MYO3A: variants seen among roughly 807,000 people sequenced by gnomAD.
MYO3A encodes the protein myosin-IIIa.
MYO3A carries 180 observed loss-of-function variants against 192.7 expected under a neutral mutation model. That is an observed-to-expected ratio of 0.93 (90% CI 0.83 to 1.06). The LOEUF is 1.06. Among genes scored for constraint, MYO3A ranks in the 50% least tolerant of loss-of-function variants. The probability of loss-of-function intolerance (pLI) is 0.00; values close to 1 mark genes in which losing one functional copy is unlikely to be tolerated. For missense variants in MYO3A, 1,896 were observed against 1,905.0 expected (o/e 1.00, Z 0.09); for synonymous variants, 628 against 645.3 (o/e 0.97, Z 0.41).
At chr10:26,042,873 A>C (rs947074748) in intron 10 of MYO3A, among the ~76,000 whole-genome samples, 1 of 152,116 alleles carries the variant, frequency 6.6e-6, no homozygotes, top group Admixed American at 6.5e-5. Context: ...ATGCTTGTGG[A>C]CATTCATCTA....
At chr10:25,986,279 C>T (rs1321696645) in intron 4 of MYO3A, among the ~76,000 whole-genome samples, 5 of 152,142 alleles carry the variant, frequency 3.3e-5, no homozygotes, top group Non-Finnish European at 7.4e-5. Context: ...GAAAGCATTC[C>T]CCCTGAGAAC....
rs565821541 is a variant in MYO3A, at chr10:26,070,353, G to A, written c.1311G>A (p.Lys437=). 3.7e-6 allele frequency: 6 copies of A among 1,613,346 alleles called. No individual in the cohort carries two copies. Among genetic ancestry groups the A allele is most frequent in the Non-Finnish European group, 5.1e-6 (6 of 1,179,508 alleles). Residue 437 remains lysine, a synonymous_variant, in exon 14 of 35, where the codon AAG becomes AAA. Coordinates refer to ENST00000642920, the MANE Select transcript of MYO3A (RefSeq NM_017433.5). ...IVISGESGAG[K]TENAHLLVQQ... ...TTTCTGGAGAAAGTGGTGCTGGAAA[G>A]ACTGAAAATGCTCATCTTTTAGTTC...
chr10:26,109,998 T>C (rs936497285), intron 17 of MYO3A, among the ~76,000 whole-genome samples: 1 of 152,138 alleles, frequency 6.6e-6, no homozygotes, highest in Non-Finnish European at 1.5e-5. Context: ...ACCAGAACAT[T>C]ATGAATTATA....
At chr10:26,148,604 A>G (rs1054884415) in intron 23 of MYO3A, among the ~76,000 whole-genome samples, 1 of 152,226 alleles carries the variant, frequency 6.6e-6, no homozygotes, top group African/African-American at 2.4e-5. Context: ...GTATCTTCCC[A>G]ACATTAAATC....
intron 4 of MYO3A, among the ~76,000 whole-genome samples, chr10:25,976,409 A>G (rs1299564776): frequency 6.6e-6 from 1 of 152,198 alleles, no homozygotes; most frequent in African/African-American, 2.4e-5. Context: ...TTAAAACATT[A>G]TTAGAATAAA....
intron 6 of MYO3A, among the ~76,000 whole-genome samples, chr10:26,010,818 A>G (rs1841600777): frequency 6.6e-6 from 1 of 152,194 alleles, no homozygotes; most frequent in African/African-American, 2.4e-5. Context: ...ATTTATTCCA[A>G]TCCCCTAAAT....
chr10:26,107,992 T>C (rs1377979229), intron 17 of MYO3A, among the ~76,000 whole-genome samples: 4 of 152,200 alleles, frequency 2.6e-5, no homozygotes, highest in Admixed American at 6.5e-5. Flanking sequence ...CATTTGTTAT[T>C]GAATAATGAA....
intron 6 of MYO3A, among the ~76,000 whole-genome samples, chr10:26,014,133 G>A (rs749468110): frequency 2.6e-5 from 4 of 152,088 alleles, no homozygotes; most frequent in East Asian, 1.9e-4. Flanking sequence ...GAGAGTGAGC[G>A]GGAGTGGGGC....
chr10:26,088,300 G>A lies in MYO3A; in HGVS notation c.1457G>A (p.Arg486Lys), dbSNP rs985358810. 1.9e-6 allele frequency: 3 copies of A among 1,613,692 alleles called. No individual in the cohort carries two copies. The highest frequency in any genetic ancestry group is 2.5e-6 in the Non-Finnish European group (3 of 1,179,824). ...ACTIINDNSS[R>K]FGKYLEMKFT... ...ACTATTATAAATGACAATTCTAGCAGATTTGGAAAATACTTAGAAATGAAA... is the reference window on the plus strand; with the variant it reads ...ACTATTATAAATGACAATTCTAGCAAATTTGGAAAATACTTAGAAATGAAA... The change falls in exon 15 of 35, where the codon AGA becomes AAA. Residue 486 changes from arginine to lysine, a missense_variant. By Grantham distance (26) the Arg-to-Lys change is conservative. Coordinates refer to ENST00000642920, the MANE Select transcript of MYO3A (RefSeq NM_017433.5).
intron 15 of MYO3A, among the ~76,000 whole-genome samples, chr10:26,093,553 C>T (rs532074929): frequency 1.1e-4 from 16 of 152,298 alleles, no homozygotes; most frequent in African/African-American, 3.6e-4. Context: ...TTCTTTGCCC[C>T]ATGACTAGAT....
At chr10:26,195,583 TATTC>T (rs929380320) in intron 32 of MYO3A, among the ~76,000 whole-genome samples, 3 of 152,220 alleles carry the variant, frequency 2.0e-5, no homozygotes, top group Admixed American at 1.3e-4. Flanking sequence ...CTGTGCTTGA[TATTC>T]ATTCATTCAC....
chr10:25,971,937 G>T (rs145500589), intron 4 of MYO3A, among the ~76,000 whole-genome samples: 2,690 of 152,174 alleles, frequency 0.018, 35 homozygotes, highest in Admixed American at 0.025. Context: ...CCGCCTCCCG[G>T]GTTCAAGCAA....
chr10:25,989,120 A>G (rs931352240), intron 4 of MYO3A, among the ~76,000 whole-genome samples: 1 of 151,552 alleles, frequency 6.6e-6, no homozygotes, highest in Non-Finnish European at 1.5e-5. Context: ...TTATAAAAAA[A>G]TTTTTTTAGA....
At chr10:26,065,351 A>C (rs1040095232) in intron 10 of MYO3A, among the ~76,000 whole-genome samples, 5 of 152,160 alleles carry the variant, frequency 3.3e-5, no homozygotes, top group Non-Finnish European at 5.9e-5. Context: ...TGGGAGGCCA[A>C]AGTGGGCAGA....
intron 29 of MYO3A, among the ~76,000 whole-genome samples, chr10:26,171,967 A>C (rs1372895664): frequency 1.3e-5 from 2 of 152,254 alleles, no homozygotes; most frequent in Non-Finnish European, 2.9e-5. Flanking sequence ...AATCTACTGC[A>C]CACAAGATCC....
At chr10:26,109,960 A>G (rs968355668) in intron 17 of MYO3A, among the ~76,000 whole-genome samples, 1 of 152,168 alleles carries the variant, frequency 6.6e-6, no homozygotes, top group Non-Finnish European at 1.5e-5. Context: ...AGTTATTGCA[A>G]TGAGTTCCCC....
chr10:26,202,771 G>A (rs1008405046), intron 33 of MYO3A, 193 bp from the exon 34 acceptor site: 20 of 574,372 alleles, frequency 3.5e-5, no homozygotes, highest in Non-Finnish European at 5.3e-5. Flanking sequence ...TTCAAGGTAA[G>A]ATATGAAGGT....
intron 17 of MYO3A, among the ~76,000 whole-genome samples, chr10:26,098,728 G>A (rs571931642): frequency 2.2e-4 from 34 of 152,284 alleles, no homozygotes; most frequent in African/African-American, 7.9e-4. Context: ...TTGTAGATGT[G>A]TGGTATTATT....
At chr10:26,049,202 A>C (rs1843816728) in intron 10 of MYO3A, among the ~76,000 whole-genome samples, 1 of 152,238 alleles carries the variant, frequency 6.6e-6, no homozygotes, top group Non-Finnish European at 1.5e-5. Context: ...ATTGATATAA[A>C]CACAGAGAAG....
Sources: gnomAD v4.1 joint callset for allele counts (sites outside exome capture counted in the v4.1 genomes callset) on GRCh38, gnomAD v4.1.1 for gene constraint, MANE v1.5 for transcripts, NCBI Gene and HGNC (gene_info 2026-07-23, HGNC 2026-07-21) for gene names.